LOXHD1: variants seen among roughly 807,000 people sequenced by gnomAD.
LOXHD1 encodes the protein lipoxygenase homology PLAT domains 1.
Under a neutral mutation model 248.2 loss-of-function variants are expected in LOXHD1, and 205 were observed. That is an observed-to-expected ratio of 0.83 (90% CI 0.74 to 0.93). LOXHD1 has a LOEUF of 0.93. Among genes scored for constraint, LOXHD1 ranks in the 40% least tolerant of loss-of-function variants. The pLI, the probability that LOXHD1 is intolerant of heterozygous loss-of-function variation, is 0.00. For missense variants in LOXHD1, 2,930 were observed against 2,971.6 expected, an observed-to-expected ratio of 0.99 and a Z score of 0.33; for synonymous variants, 1,113 against 1,162.8, an observed-to-expected ratio of 0.96 and a Z score of 0.87.
intron 28 of LOXHD1, among the ~76,000 whole-genome samples, chr18:46,530,712 AAC>A (rs1194537869): frequency 6.6e-6 from 1 of 152,174 alleles, no homozygotes; most frequent in African/African-American, 2.4e-5. Flanking sequence ...ATGGCTGTAG[AAC>A]ACAGTGACAC....
chr18:46,479,034 A>G (rs1470415310), intron 40 of LOXHD1, among the ~76,000 whole-genome samples: 1 of 151,910 alleles, frequency 6.6e-6, no homozygotes, highest in Non-Finnish European at 1.5e-5. Flanking sequence ...GCTCTTTTCC[A>G]AGCTCACTCC....
chr18:46,638,982 C>G (rs539497978), intron 4 of LOXHD1, among the ~76,000 whole-genome samples: 16 of 152,276 alleles, frequency 1.1e-4, no homozygotes, highest in Admixed American at 9.2e-4. Flanking sequence ...GTAATGCCCC[C>G]CTTTTTGGAA....
At chr18:46,626,206 G>T (rs533460837) in intron 4 of LOXHD1, among the ~76,000 whole-genome samples, 2 of 152,166 alleles carry the variant, frequency 1.3e-5, no homozygotes, top group African/African-American at 4.8e-5. Context: ...TAGGAGATTT[G>T]GGGGGTGACA....
chr18:46,477,769 G>A lies in LOXHD1; in HGVS notation c.6525C>T (p.Phe2175=), dbSNP rs1323433812. ...CTCCGTTGGCCCCAAAGATGGTCAC[G>A]AAGACGTTGGCATCAGTGCCTGCCC... ...EPGAGTDANV[F]VTIFGANGDT... The change falls in exon 41 of 41, where the codon TTC becomes TTT. Residue 2175 remains phenylalanine (F), a synonymous_variant. Coordinates refer to ENST00000642948, the MANE Select transcript of LOXHD1 (RefSeq NM_001384474.1). 4.5e-6 allele frequency: 7 copies of A among 1,551,872 alleles called. No individual in the cohort carries two copies. Among genetic ancestry groups the A allele is most frequent in the East Asian group, 2.4e-5 (1 of 40,924 alleles).
At chr18:46,494,023 T>C (rs990592317) in intron 37 of LOXHD1, among the ~76,000 whole-genome samples, 1 of 152,220 alleles carries the variant, frequency 6.6e-6, no homozygotes, top group Admixed American at 6.5e-5. Context: ...TTGCCTTAAA[T>C]ACCTGCCTAT....
At chr18:46,511,476 C>G (rs2034959006) in intron 34 of LOXHD1, among the ~76,000 whole-genome samples, 1 of 152,240 alleles carries the variant, frequency 6.6e-6, no homozygotes, top group Non-Finnish European at 1.5e-5. Flanking sequence ...TTGGCTGCCC[C>G]TCACGTCCTT....
chr18:46,573,022 C>CA (rs71162809), intron 14 of LOXHD1, among the ~76,000 whole-genome samples: 4,317 of 56,994 alleles, frequency 0.076, 659 homozygotes, highest in African/African-American at 0.24. Context: ...GACTCCGTCT[C>CA]AAAAAAAAAA....
intron 12 of LOXHD1, among the ~76,000 whole-genome samples, chr18:46,584,927 GTAATT>G (rs1377270125): frequency 3.3e-5 from 5 of 152,116 alleles, no homozygotes; most frequent in African/African-American, 1.2e-4. Context: ...ATCAATTAAT[GTAATT>G]TATCAAATTA....
At chr18:46,593,555 T>A in intron 10 of LOXHD1, 45 bp downstream of exon 10, 1 of 1,545,430 alleles carries the variant, frequency 6.5e-7, no homozygotes, top group Non-Finnish European at 8.8e-7. Context: ...ATGCCCTACA[T>A]CCCTTCCTCC....
chr18:46,556,663 C>A, intron 21 of LOXHD1: 1 of 164,784 alleles, frequency 6.1e-6, no homozygotes, highest in Non-Finnish European at 1.3e-5. Context: ...CACCCTCATT[C>A]TCAGATGTCA....
chr18:46,508,432 T>C (rs2034725187), intron 35 of LOXHD1, among the ~76,000 whole-genome samples: 1 of 151,966 alleles, frequency 6.6e-6, no homozygotes, highest in South Asian at 2.1e-4. Flanking sequence ...ATGTGAAGAC[T>C]GGCATGATGC....
chr18:46,563,106 G>T lies in LOXHD1; in HGVS notation c.2557C>A (p.Arg853Ser), dbSNP rs202178613. ...GKTEVLFLSS[R>S]SKVFERASKD... ...GACGCCCGTTCAAAAACTTTTGAGC[G>T]GCTGGAGAGGAAGAGCACTTCTGTC... Residue 853 changes from arginine (R) to serine (S), a missense_variant, in exon 18 of 41, where the codon CGC becomes AGC. Coordinates refer to ENST00000642948, the MANE Select transcript of LOXHD1 (RefSeq NM_001384474.1). 8 of 1,545,908 alleles carry T rather than the reference G, an allele frequency of 5.2e-6. No individual in the cohort carries two copies. The highest frequency in any genetic ancestry group is 7.0e-6 in the Non-Finnish European group (8 of 1,142,234).
At chr18:46,619,336 C>A (rs1367484524) in intron 4 of LOXHD1, among the ~76,000 whole-genome samples, 1 of 152,204 alleles carries the variant, frequency 6.6e-6, no homozygotes, top group Admixed American at 6.5e-5. Context: ...CTTCTCTGAG[C>A]CCTGTCCCTG....
At chr18:46,654,875 C>G (rs1211219079) in intron 1 of LOXHD1, among the ~76,000 whole-genome samples, 1 of 152,208 alleles carries the variant, frequency 6.6e-6, no homozygotes, top group African/African-American at 2.4e-5. Context: ...TCCACTTGCT[C>G]TTCTCCAGCT....
chr18:46,522,226 C>T lies in LOXHD1; in HGVS notation c.4960G>A (p.Glu1654Lys). ...ATGCGCTTACTACGTTCATCATCCT[C>T]CCCGATGAGAAAGATGAAGGCTCGG... ...DSRAFIFLIG[E>K]DDERSKRIWL... is the part of the protein sequence containing the mutation. The change falls in exon 32 of 41, where the codon GAG becomes AAG. Residue 1654 changes from glutamate (E) to lysine (K), a missense_variant. Physicochemically the swap from Glu to Lys is moderately conservative, Grantham distance 56. Transcript: ENST00000642948. 25 of 1,551,860 alleles carry T rather than the reference C, an allele frequency of 1.6e-5. No individual in the cohort carries two copies. The highest frequency in any genetic ancestry group is 2.2e-5 in the Non-Finnish European group (25 of 1,147,024).
At chr18:46,556,145 C>T (rs1184958216) in intron 21 of LOXHD1, among the ~76,000 whole-genome samples, 1 of 151,310 alleles carries the variant, frequency 6.6e-6, no homozygotes, top group Non-Finnish European at 1.5e-5. Flanking sequence ...CAGCCATGCC[C>T]AATCATTTAG....
At position 46,601,254 on chromosome 18, in the gene LOXHD1, C is replaced by T. The variant is rs1271633233; in HGVS notation, c.1097G>A (p.Gly366Asp). 6 of 1,551,678 alleles carry T rather than the reference C, an allele frequency of 3.9e-6. No homozygotes were observed. Among genetic ancestry groups the T allele is most frequent in the Non-Finnish European group, 5.2e-6 (6 of 1,146,968 alleles). ...CCAGCCTCTGTTGACACCCACATTGCCATGCCCGACGGAGACCCGACTCAG... is the reference window on the plus strand; with the variant it reads ...CCAGCCTCTGTTGACACCCACATTGTCATGCCCGACGGAGACCCGACTCAG... ...SPLSRVSVGH[G>D]NVGVNRGWFC... Residue 366 changes from glycine (G) to aspartate (D), a missense_variant, in exon 8 of 41, where the codon GGC becomes GAC. Physicochemically the swap from Gly to Asp is moderately conservative, Grantham distance 94. Transcript: ENST00000642948.
rs2035146521 is a variant in LOXHD1, at chr18:46,514,618, C to T, written c.5399+3511G>A. On this transcript the variant is annotated intron_variant, in intron 34 of 40. Coordinates refer to ENST00000642948, the MANE Select transcript of LOXHD1 (RefSeq NM_001384474.1). The stretch of plus-strand genomic sequence containing the variant: ...CTTTCCTGAAAGGGCAACTGGAATC[C>T]CATTTGAGTGTCTGTCCTCTGTTTC... Among the ~76,000 whole-genome samples, 4 of 152,270 alleles carry T rather than the reference C, an allele frequency of 2.6e-5. No individual in the cohort carries two copies. The South Asian group carries it at 8.3e-4, about 32-fold the overall frequency.
At chr18:46,514,804 G>T (rs190795851) in intron 34 of LOXHD1, among the ~76,000 whole-genome samples, 106 of 152,214 alleles carry the variant, frequency 7.0e-4, no homozygotes, top group Admixed American at 2.9e-3. Flanking sequence ...ATTTCACTAG[G>T]TTTCTACTGG....
Sources: allele counts gnomAD v4.1 joint callset (sites outside exome capture counted in the v4.1 genomes callset), GRCh38; gene constraint gnomAD v4.1.1; transcripts MANE v1.5; gene names NCBI Gene and HGNC (gene_info 2026-07-23, HGNC 2026-07-21).